The following RIMS2 variants were observed in gnomAD, a reference collection of about 807,000 sequenced individuals.
The protein encoded by RIMS2 is regulating synaptic membrane exocytosis protein 2.
RIMS2 carries 59 observed loss-of-function variants against 174.4 expected under a neutral mutation model. That is an observed-to-expected ratio of 0.34 (90% CI 0.27 to 0.42). The LOEUF (loss-of-function observed/expected upper bound fraction) is 0.42, where lower values mean the gene tolerates loss of function less well. RIMS2 is among the 10% of genes least tolerant of loss of function. The pLI, the probability that RIMS2 is intolerant of heterozygous loss-of-function variation, is 1.00. For synonymous variants in RIMS2, 606 were observed against 572.5 expected (o/e 1.06, Z -0.84); for missense variants, 1,620 against 1,666.3 (o/e 0.97, Z 0.48).
chr8:104,203,494 C>CTTTTTT (rs10545100), intron 19 of RIMS2, among the ~76,000 whole-genome samples: 43 of 72,776 alleles, frequency 5.9e-4, no homozygotes, highest in East Asian at 2.4e-3. Flanking sequence ...AGACACTGTA[C>CTTTTTT]TTTTTTTTTT....
At chr8:103,599,898 C>A (rs1272627443) in intron 1 of RIMS2, among the ~76,000 whole-genome samples, 3 of 152,104 alleles carry the variant, frequency 2.0e-5, no homozygotes, top group African/African-American at 4.8e-5. Flanking sequence ...TACAAACCAT[C>A]CAATTATACT....
intron 19 of RIMS2, among the ~76,000 whole-genome samples, chr8:104,107,404 G>A (rs1397090652): frequency 1.3e-5 from 2 of 151,906 alleles, no homozygotes; most frequent in East Asian, 1.9e-4. Flanking sequence ...ATCTATCATG[G>A]TTGATTAGTT....
intron 2 of RIMS2, among the ~76,000 whole-genome samples, chr8:103,739,985 A>T (rs776951383): frequency 5.9e-5 from 9 of 152,178 alleles, no homozygotes; most frequent in Non-Finnish European, 1.2e-4. Flanking sequence ...GTGGAAATAG[A>T]TTAAGATGCA....
intron 19 of RIMS2, among the ~76,000 whole-genome samples, chr8:104,184,227 G>A (rs772228058): frequency 3.3e-5 from 5 of 151,598 alleles, no homozygotes; most frequent in Non-Finnish European, 7.4e-5. Context: ...TGAAATGTAA[G>A]ACATAGTATT....
chr8:103,954,516 G>T (rs557287932), intron 14 of RIMS2, among the ~76,000 whole-genome samples: 2 of 152,128 alleles, frequency 1.3e-5, no homozygotes, highest in African/African-American at 4.8e-5. Flanking sequence ...GGTAAATAAC[G>T]AAATGAAGGC....
chr8:103,559,203 T>C, intron 1 of RIMS2: 1 of 203,120 alleles, frequency 4.9e-6, no homozygotes, highest in Non-Finnish European at 1.0e-5. Flanking sequence ...TTCTTATTTC[T>C]CTTCCTCTTC....
intron 19 of RIMS2, among the ~76,000 whole-genome samples, chr8:104,222,011 C>T (rs183414536): frequency 6.6e-6 from 1 of 152,320 alleles, no homozygotes; most frequent in East Asian, 1.9e-4. Context: ...CTGCCTCAAA[C>T]TCACTCTCTT....
chr8:104,039,281 A>T (rs1013588185), intron 19 of RIMS2, among the ~76,000 whole-genome samples: 6 of 151,702 alleles, frequency 4.0e-5, no homozygotes, highest in African/African-American at 1.5e-4. Context: ...ACCTAGTCCA[A>T]AGAAAATTGA....
chr8:103,825,785 T>C (rs568141248), intron 3 of RIMS2, among the ~76,000 whole-genome samples: 10 of 152,296 alleles, frequency 6.6e-5, no homozygotes, highest in African/African-American at 2.4e-4. Flanking sequence ...GGTGTATGTT[T>C]AATTTTATAA....
At chr8:104,189,294 A>C (rs1308003649) in intron 19 of RIMS2, among the ~76,000 whole-genome samples, 1 of 151,910 alleles carries the variant, frequency 6.6e-6, no homozygotes, top group Non-Finnish European at 1.5e-5. Context: ...AGCTTTTGGC[A>C]CTAGAGACAC....
chr8:104,201,847 A>G (rs993996073), intron 19 of RIMS2, among the ~76,000 whole-genome samples: 3 of 152,224 alleles, frequency 2.0e-5, no homozygotes, highest in African/African-American at 7.2e-5. Flanking sequence ...TTCAAAAGCT[A>G]CAATCCACAG....
At chr8:104,031,956 T>C (rs1048368787) in intron 19 of RIMS2, among the ~76,000 whole-genome samples, 2 of 152,104 alleles carry the variant, frequency 1.3e-5, no homozygotes, top group Admixed American at 6.6e-5. Flanking sequence ...GAAAACTAAT[T>C]ACACATATTT....
intron 1 of RIMS2, among the ~76,000 whole-genome samples, chr8:103,610,583 G>A (rs147800093): frequency 1.4e-3 from 214 of 152,230 alleles, no homozygotes; most frequent in African/African-American, 5.0e-3. Flanking sequence ...CCTCTATTGC[G>A]ATAATGATGT....
intron 4 of RIMS2, among the ~76,000 whole-genome samples, chr8:103,898,701 G>A (rs2099308312): frequency 6.6e-6 from 1 of 151,182 alleles, no homozygotes; most frequent in South Asian, 2.1e-4. Flanking sequence ...TCCCCATTAT[G>A]GTAGTTCTTT....
chr8:104,104,746 G>A (rs1004858081), intron 19 of RIMS2, among the ~76,000 whole-genome samples: 1 of 151,954 alleles, frequency 6.6e-6, no homozygotes, highest in African/African-American at 2.4e-5. Context: ...GCCAGGCACA[G>A]TGGTGCACAC....
Position 103,803,854 on chromosome 8 carries a change from C to G in RIMS2, c.698+37317C>G, listed in dbSNP as rs2098632159. Among the ~76,000 whole-genome samples, 3 of 152,118 alleles carry G rather than the reference C, an allele frequency of 2.0e-5. No individual in the cohort carries two copies. The South Asian group carries it at 6.2e-4, about 32-fold the overall frequency. Reference sequence around the variant, plus strand: ...CAGGTGAGAAAGTGAGGACCTAAGTCTTTGAGCCACAAGGAACTGAGGCAT... The same window carrying G: ...CAGGTGAGAAAGTGAGGACCTAAGTGTTTGAGCCACAAGGAACTGAGGCAT... On this transcript the variant is annotated intron_variant, in intron 3 of 23. Transcript: ENST00000504942.
chr8:104,255,767 C>T (rs1267860666), downstream of RIMS2: 1 of 152,216 alleles, frequency 6.6e-6, no homozygotes, highest in Non-Finnish European at 1.5e-5. Flanking sequence ...GTTCTGTGGG[C>T]ATTTATGCAC....
Position 103,913,513 on chromosome 8 carries a change from C to G in RIMS2, c.1812+1341C>G, listed in dbSNP as rs376631571. On this transcript the variant is annotated intron_variant, in intron 6 of 23. Coordinates refer to ENST00000504942, the Ensembl canonical transcript of RIMS2. ...GTAGAATATAAGAGATATTAGGAAA[C>G]TTTGGATGTAGGTAGAATTGGGCTG... 3.3e-5 allele frequency among the ~76,000 whole-genome samples: 5 copies of G among 152,096 alleles called. No homozygotes were observed. The East Asian group carries it at 5.8e-4, about 18-fold the overall frequency.
At chr8:104,009,804 T>A (rs752575428) in intron 17 of RIMS2, among the ~76,000 whole-genome samples, 2 of 152,174 alleles carry the variant, frequency 1.3e-5, no homozygotes, top group Non-Finnish European at 2.9e-5. Flanking sequence ...ACTTATGACA[T>A]CTTTCCAATA....
Sources: gnomAD v4.1 joint callset for allele counts (sites outside exome capture counted in the v4.1 genomes callset) on GRCh38, gnomAD v4.1.1 for gene constraint, MANE v1.5 for transcripts, NCBI Gene and HGNC (gene_info 2026-07-23, HGNC 2026-07-21) for gene names.